Variants in TRIM16 observed in about 807,000 individuals in gnomAD.
TRIM16 encodes the protein tripartite motif containing 16, also known as tripartite motif-containing protein 16.
A neutral mutation model predicts 50.4 loss-of-function variants in TRIM16; 33 were observed. The ratio of observed to expected loss-of-function variants is 0.65; its 90% CI spans 0.50 to 0.88. TRIM16 has a LOEUF of 0.88. Among genes scored for constraint, TRIM16 ranks in the 40% least tolerant of loss-of-function variants. The pLI is 0.00. For missense variants in TRIM16, 581 were observed against 686.8 expected, an observed-to-expected ratio of 0.85 and a Z score of 1.72; for synonymous variants, 229 against 270.7, an observed-to-expected ratio of 0.85 and a Z score of 1.51.
intron 3 of TRIM16, 150 bp from the exon 4 acceptor site, chr17:15,681,103 C>T: frequency 3.2e-6 from 2 of 630,174 alleles, no homozygotes; most frequent in Non-Finnish European, 5.2e-6. Context: ...AATGAGACTT[C>T]AAAGATAATC....
At chr17:15,672,001 C>T (rs1244589289) in intron 6 of TRIM16, among the ~76,000 whole-genome samples, 1 of 152,116 alleles carries the variant, frequency 6.6e-6, no homozygotes, top group Non-Finnish European at 1.5e-5. Flanking sequence ...TCCGAAAAGA[C>T]AGAAAGCCCT....
At chr17:15,634,943 C>A (rs1986655010) in intron 9 of TRIM16, among the ~76,000 whole-genome samples, 1 of 148,968 alleles carries the variant, frequency 6.7e-6, no homozygotes, top group Non-Finnish European at 1.5e-5. Context: ...AATGGTTATT[C>A]ATATTTTCTT....
rs1001137122 is a variant in TRIM16 at position 15,630,249 on chromosome 17, G to A, written c.1112-1051C>T. Among the ~76,000 whole-genome samples, 3 of 151,916 alleles carry A rather than the reference G, an allele frequency of 2.0e-5. No individual in the cohort carries two copies. The East Asian group carries it at 5.8e-4, about 29-fold the overall frequency. ...TACTCTGAGTCTGGTGAATCCTACC[G>A]ATCCATTCAGGCTACAACTGAGAGT... On this transcript the variant is annotated intron_variant, in intron 11 of 11. Coordinates refer to ENST00000649191, the MANE Select transcript of TRIM16 (RefSeq NM_001348119.1).
rs372488028 is a variant in TRIM16 at position 15,647,156 on chromosome 17, T to A, written c.519+3935A>T. Among the ~76,000 whole-genome samples the A allele has an allele frequency of 6.6e-5, 10 of 151,704 alleles. No homozygotes were observed. The East Asian group carries it at 1.9e-3, about 29-fold the overall frequency. On this transcript the variant is annotated intron_variant, in intron 7 of 11. Transcript: ENST00000649191. ...TAATTTTTGTATTTTTTTTTTTTAG[T>A]AGAGACAAGGTTTCACCATGGGTCA...
intron 7 of TRIM16, among the ~76,000 whole-genome samples, chr17:15,644,681 G>C (rs183744619): frequency 6.6e-6 from 1 of 152,012 alleles, no homozygotes; most frequent in Non-Finnish European, 1.5e-5. Flanking sequence ...GCTCTCGGGA[G>C]CCCCCTCAGC....
chr17:15,653,143 G>C (rs1987808815), intron 6 of TRIM16, among the ~76,000 whole-genome samples: 1 of 152,056 alleles, frequency 6.6e-6, no homozygotes, highest in Non-Finnish European at 1.5e-5. Context: ...CACAAGATCT[G>C]ATTGTTAAAA....
At chr17:15,662,467 C>T (rs1424189872) in intron 6 of TRIM16, among the ~76,000 whole-genome samples, 1 of 152,244 alleles carries the variant, frequency 6.6e-6, no homozygotes, top group Non-Finnish European at 1.5e-5. Context: ...CTACTATTTA[C>T]ACACAATGCA....
intron 6 of TRIM16, among the ~76,000 whole-genome samples, chr17:15,653,701 G>A (rs1234126528): frequency 6.6e-6 from 1 of 152,120 alleles, no homozygotes; most frequent in African/African-American, 2.4e-5. Flanking sequence ...AGGTATTAAG[G>A]GCAAAGATTT....
At position 15,636,153 on chromosome 17, in the gene TRIM16, C is replaced by T. The variant is rs750998789; in HGVS notation, c.732G>A (p.Ala244=). The T allele has an allele frequency of 5.1e-5, 82 of 1,609,864 alleles. 1 individual carries two copies. Among genetic ancestry groups the T allele is most frequent in the Admixed American group, 1.0e-4 (6 of 59,886 alleles). ...CCTTGATACCGTTGGCCTGGCTCAG[C>T]GCAGCTTGCTCCTTCTCCTCTAAGA... is the stretch of plus-strand genomic sequence containing the variant. ...MLFLEEKEQA[A]LSQANGIKAH... Residue 244 remains alanine (A), a synonymous_variant, in exon 9 of 12, where the codon GCG becomes GCA. Transcript: ENST00000649191.
rs760507667 is a variant in TRIM16 at position 15,631,754 on chromosome 17, G to A, written c.1016-40C>T. 25 of 1,597,788 alleles carry A rather than the reference G, an allele frequency of 1.6e-5. No homozygotes were observed. In the Admixed American group the frequency reaches 4.2e-4, roughly 27 times the overall value. The stretch of plus-strand genomic sequence containing the variant: ...GAGTTGTGAATGCACACCTGTCCAG[G>A]TGGTCAGGAGAATCTGCAAATCAGG... On this transcript the variant is annotated intron_variant, in intron 10 of 11. Coordinates refer to ENST00000649191, the MANE Select transcript of TRIM16 (RefSeq NM_001348119.1).
intron 6 of TRIM16, among the ~76,000 whole-genome samples, chr17:15,660,331 A>G (rs1477417306): frequency 6.6e-6 from 1 of 152,232 alleles, no homozygotes; most frequent in Admixed American, 6.5e-5. Flanking sequence ...AGTCTGCCTC[A>G]GCCAAGTCCG....
intron 4 of TRIM16, among the ~76,000 whole-genome samples, chr17:15,680,596 C>T (rs1989145567): frequency 6.6e-6 from 1 of 152,042 alleles, no homozygotes; most frequent in African/African-American, 2.4e-5. Context: ...CTCTACACTG[C>T]CAACTGATGG....
chr17:15,680,959 A>G lies in TRIM16; in HGVS notation c.-678-6T>C. The G allele has an allele frequency of 6.6e-7, 1 of 1,504,058 alleles. No homozygotes were observed. Among genetic ancestry groups the G allele is most frequent in the Non-Finnish European group, 8.9e-7 (1 of 1,128,230 alleles). The allele number at this position is 1,504,058 out of a possible 1,614,324, so 93.2% of individuals were successfully genotyped here. On this transcript the variant is annotated splice_region_variant and splice_polypyrimidine_tract_variant and intron_variant, in intron 3 of 11. Transcript: ENST00000649191. ...AGGGTCCTCAGAGGGCAGAACTGGA[A>G]GGAAATTGACATAAAGGAACCTGGT...
At chr17:15,643,962 G>A (rs560166724) in intron 7 of TRIM16, among the ~76,000 whole-genome samples, 3 of 152,120 alleles carry the variant, frequency 2.0e-5, no homozygotes, top group Admixed American at 6.5e-5. Context: ...ACTAAAACGT[G>A]TGGGTTTTTT....
Position 15,628,862 on chromosome 17 carries a change from A to G in TRIM16, c.1448T>C (p.Met483Thr). 1 of 1,614,228 alleles carries G rather than the reference A, an allele frequency of 6.2e-7. No homozygotes were observed. The highest frequency in any genetic ancestry group is 8.5e-7 in the Non-Finnish European group (1 of 1,180,034). The part of the protein sequence containing the change: ...GKEFTAWYSD[M>T]ETPLKAGPFR... ...AGGGCCAGCTTTGAGTGGGGTCTCC[A>G]TGTCACTGTACCAGGCCGTGAACTC... The change falls in exon 12 of 12, where the codon ATG becomes ACG. Residue 483 changes from methionine (M) to threonine (T), a missense_variant. Met to Thr is a moderately conservative substitution (Grantham distance 81, BLOSUM62 -1). Coordinates refer to ENST00000649191, the MANE Select transcript of TRIM16 (RefSeq NM_001348119.1).
chr17:15,668,252 T>C (rs780974208), intron 6 of TRIM16, among the ~76,000 whole-genome samples: 2 of 152,146 alleles, frequency 1.3e-5, no homozygotes, highest in African/African-American at 4.8e-5. Flanking sequence ...ACCTCATGAG[T>C]TTCCCTCTGT....
At chr17:15,637,121 G>T (rs1275883955) in intron 8 of TRIM16, among the ~76,000 whole-genome samples, 2 of 143,654 alleles carry the variant, frequency 1.4e-5, no homozygotes, top group Admixed American at 6.7e-5. Context: ...GAGGTGGGGG[G>T]GGGGGGTCAG....
intron 4 of TRIM16, among the ~76,000 whole-genome samples, chr17:15,679,829 C>A (rs377524144): frequency 2.0e-5 from 3 of 151,010 alleles, no homozygotes; most frequent in Admixed American, 6.6e-5. Flanking sequence ...CCCAGCTACT[C>A]GGGAGGCTGA....
chr17:15,669,012 A>G (rs1988616680), intron 6 of TRIM16, among the ~76,000 whole-genome samples: 1 of 152,148 alleles, frequency 6.6e-6, no homozygotes, highest in Admixed American at 6.5e-5. Context: ...ACTACAAATA[A>G]CTGATAAACA....
Sources: allele counts gnomAD v4.1 joint callset (sites outside exome capture counted in the v4.1 genomes callset), GRCh38; gene constraint gnomAD v4.1.1; transcripts MANE v1.5; gene names NCBI Gene and HGNC (gene_info 2026-07-23, HGNC 2026-07-21).